ADGRL3: variants seen among roughly 807,000 people sequenced by gnomAD.
The protein encoded by ADGRL3 is calcium-independent alpha-latrotoxin receptor 3.
ADGRL3 carries 62 observed loss-of-function variants against 153.5 expected under a neutral mutation model. That is an observed-to-expected ratio of 0.40 (90% CI 0.33 to 0.50). The LOEUF is 0.50. ADGRL3 is among the 20% of genes least tolerant of loss of function. The probability of loss-of-function intolerance (pLI) is 0.47; values close to 1 mark genes in which losing one functional copy is unlikely to be tolerated. For synonymous variants in ADGRL3, 710 were observed against 672.5 expected (o/e 1.06, Z -0.86); for missense variants, 1,641 against 1,859.4 (o/e 0.88, Z 2.16).
chr4:61,451,566 A>G (rs920154289), intron 2 of ADGRL3, among the ~76,000 whole-genome samples: 7 of 152,178 alleles, frequency 4.6e-5, no homozygotes, highest in African/African-American at 1.7e-4. Flanking sequence ...CATACAAGGC[A>G]AAGAGATGAG....
chr4:61,485,697 T>C (rs1326982523), intron 2 of ADGRL3, among the ~76,000 whole-genome samples: 3 of 152,164 alleles, frequency 2.0e-5, no homozygotes, highest in Non-Finnish European at 4.4e-5. Context: ...GGAGTTGGAA[T>C]AGGATGAATT....
At chr4:61,567,353 A>G (rs2098820457) in intron 4 of ADGRL3, among the ~76,000 whole-genome samples, 1 of 152,176 alleles carries the variant, frequency 6.6e-6, no homozygotes, top group Non-Finnish European at 1.5e-5. Flanking sequence ...CCAATTTTAT[A>G]TGTTGAAAAC....
chr4:61,795,731 A>C (rs2152456981), intron 8 of ADGRL3, among the ~76,000 whole-genome samples: 1 of 152,306 alleles, frequency 6.6e-6, no homozygotes, highest in Middle Eastern at 3.4e-3. Context: ...ACTATTCTTA[A>C]AAAATAAAAT....
At chr4:61,889,750 C>A (rs919028300) in intron 9 of ADGRL3, among the ~76,000 whole-genome samples, 17 of 151,962 alleles carry the variant, frequency 1.1e-4, no homozygotes, top group African/African-American at 3.9e-4. Flanking sequence ...ACACAGCAAG[C>A]AAAAATCTTG....
intron 1 of ADGRL3, among the ~76,000 whole-genome samples, chr4:61,248,727 G>T (rs912414183): frequency 2.0e-5 from 3 of 152,106 alleles, no homozygotes; most frequent in Non-Finnish European, 4.4e-5. Context: ...TAGAGTCCGA[G>T]CCAGTTTTGA....
chr4:61,926,572 A>T (rs1180533023), intron 13 of ADGRL3, among the ~76,000 whole-genome samples: 1 of 152,188 alleles, frequency 6.6e-6, no homozygotes, highest in African/African-American at 2.4e-5. Context: ...AGCCTTTAGC[A>T]AGTTACTTAA....
intron 2 of ADGRL3, among the ~76,000 whole-genome samples, chr4:61,487,142 A>G (rs1014234013): frequency 6.6e-6 from 1 of 152,210 alleles, no homozygotes; most frequent in African/African-American, 2.4e-5. Flanking sequence ...TACATAAGGT[A>G]TGCTACAGAA....
chr4:61,412,643 G>A (rs995674852), intron 2 of ADGRL3, among the ~76,000 whole-genome samples: 2 of 152,134 alleles, frequency 1.3e-5, no homozygotes, highest in Admixed American at 6.6e-5. Context: ...GTCCACATTG[G>A]ACAGTGCTAT....
chr4:61,643,130 A>G (rs1432725060), intron 5 of ADGRL3, among the ~76,000 whole-genome samples: 2 of 152,128 alleles, frequency 1.3e-5, no homozygotes, highest in Non-Finnish European at 2.9e-5. Context: ...ATTTTTGTTC[A>G]TTGATTTTGT....
intron 9 of ADGRL3, among the ~76,000 whole-genome samples, chr4:61,825,253 G>C (rs1295759989): frequency 6.6e-6 from 1 of 152,082 alleles, no homozygotes; most frequent in African/African-American, 2.4e-5. Context: ...ATATGGCCAT[G>C]GACAAAACCA....
At chr4:61,427,761 A>G (rs769160291) in intron 2 of ADGRL3, 1 of 152,736 alleles carries the variant, frequency 6.5e-6, no homozygotes, top group Non-Finnish European at 1.5e-5. Flanking sequence ...TCTCGTTTCA[A>G]GCTGTATGTC....
At chr4:61,431,129 A>C (rs1023331370) in intron 2 of ADGRL3, among the ~76,000 whole-genome samples, 2 of 152,230 alleles carry the variant, frequency 1.3e-5, no homozygotes, top group African/African-American at 2.4e-5. Context: ...CATCACTTCT[A>C]ACCAAAGAAA....
intron 1 of ADGRL3, among the ~76,000 whole-genome samples, chr4:61,365,818 A>C (rs2096385004): frequency 6.6e-6 from 1 of 152,234 alleles, no homozygotes; most frequent in Admixed American, 6.5e-5. Flanking sequence ...GAAAAAAATG[A>C]GAATTTCTAT....
intron 2 of ADGRL3, among the ~76,000 whole-genome samples, chr4:61,450,712 G>A (rs1329224173): frequency 3.3e-5 from 5 of 151,916 alleles, no homozygotes; most frequent in Admixed American, 6.6e-5. Context: ...CTTGTATACC[G>A]GCAAAAGCAG....
chr4:61,866,374 C>T (rs1561383595), intron 9 of ADGRL3, among the ~76,000 whole-genome samples: 2 of 152,198 alleles, frequency 1.3e-5, no homozygotes, highest in Non-Finnish European at 2.9e-5. Context: ...CGTAAATAGA[C>T]CTGCTAGTGG....
In ADGRL3 at chr4:61,250,118, C is replaced by T. The variant is rs573319955; in HGVS notation, c.-240+48353C>T. ...GATGTAAGTATATTCTGCCTTTATG[C>T]CCTATATAACTAAGAATTGAGGATC... is the stretch of plus-strand genomic sequence containing the variant. On this transcript the variant is annotated intron_variant, in intron 1 of 26. Transcript: ENST00000683033. Among the ~76,000 whole-genome samples the T allele has an allele frequency of 7.2e-5, 11 of 152,196 alleles. No homozygotes were observed. In the South Asian group the frequency reaches 2.3e-3, roughly 32 times the overall value.
intron 23 of ADGRL3, among the ~76,000 whole-genome samples, chr4:62,034,839 C>T (rs1278228205): frequency 2.0e-5 from 3 of 151,798 alleles, no homozygotes; most frequent in African/African-American, 7.2e-5. Flanking sequence ...TTTTGTCATA[C>T]ATTCAAATAT....
At position 61,393,243 on chromosome 4, in the gene ADGRL3, C is replaced by CCTCT. The variant is rs369644865; in HGVS notation, c.-174+10055_-174+10058dup. Among the ~76,000 whole-genome samples the CCTCT allele has an allele frequency of 7.3e-4, 111 of 152,120 alleles. 1 individual carries two copies. The highest frequency in any genetic ancestry group is 2.6e-3 in the African/African-American group (107 of 41,484). On this transcript the variant is annotated intron_variant, in intron 2 of 26. Coordinates refer to ENST00000683033, the MANE Select transcript of ADGRL3 (RefSeq NM_001387552.1). ...TCATTGAGAAGAAAAAGTTAGTTGG[C>CCTCT]CTCTGTGTTTAGTATACTCTGTCAG...
rs567210464 is a variant in ADGRL3 at position 62,041,965 on chromosome 4, C to G, written c.3718-2488C>G. ...CTGTGCCATCAGACATGTTCATTAA[C>G]CACTGTGCTTCGGTTTTTCTAGTGT... On this transcript the variant is annotated intron_variant, in intron 24 of 26. Transcript: ENST00000683033. Among the ~76,000 whole-genome samples, 4 of 152,140 alleles carry G rather than the reference C, an allele frequency of 2.6e-5. No homozygotes were observed. The East Asian group carries it at 5.8e-4, about 22-fold the overall frequency.
Sources: allele counts gnomAD v4.1 joint callset (sites outside exome capture counted in the v4.1 genomes callset), GRCh38; gene constraint gnomAD v4.1.1; transcripts MANE v1.5; gene names NCBI Gene and HGNC (gene_info 2026-07-23, HGNC 2026-07-21).